Variants in PHYH observed in about 807,000 individuals in gnomAD.
The protein encoded by PHYH is phytanoyl-CoA 2-hydroxylase, also known as phytanoyl-CoA dioxygenase, peroxisomal.
In PHYH, 32 loss-of-function variants were observed where a neutral mutation model predicts 38.5. That is an observed-to-expected ratio of 0.83 (90% confidence interval 0.63 to 1.12). The LOEUF is 1.12. Among genes scored for constraint, PHYH ranks in the 50% most tolerant of loss-of-function variants. The pLI, the probability that PHYH is intolerant of heterozygous loss-of-function variation, is 0.00. For missense variants in PHYH, 426 were observed against 434.8 expected, an observed-to-expected ratio of 0.98 and a Z score of 0.18; for synonymous variants, 166 against 157.9, an observed-to-expected ratio of 1.05 and a Z score of -0.38.
intron 2 of PHYH, among the ~76,000 whole-genome samples, chr10:13,297,014 T>A (rs1039753193): frequency 1.1e-4 from 17 of 151,584 alleles, no homozygotes; most frequent in African/African-American, 3.9e-4. Flanking sequence ...CAATGCTTAT[T>A]ATAATAAAAT....
Position 13,283,807 on chromosome 10 carries a change from C to T in PHYH, c.711G>A (p.Gln237=). ...GGVNKMFHGI[Q]DYEENKARVH... ...CCCGGGCCTTGTTTTCCTCGTAGTCCTGGATCCCGTGGAACATTTTGTTAA... is the reference window on the plus strand; with the variant it reads ...CCCGGGCCTTGTTTTCCTCGTAGTCTTGGATCCCGTGGAACATTTTGTTAA... The change falls in exon 7 of 9, where the codon CAG becomes CAA. Residue 237 remains glutamine (Q), a synonymous_variant. Coordinates refer to ENST00000263038, the MANE Select transcript of PHYH (RefSeq NM_006214.4). 1.2e-6 allele frequency: 2 copies of T among 1,613,994 alleles called. No homozygotes were observed. Among genetic ancestry groups the T allele is most frequent in the African/African-American group, 1.3e-5 (1 of 75,000 alleles).
intron 2 of PHYH, among the ~76,000 whole-genome samples, chr10:13,296,734 C>G (rs987095023): frequency 7.1e-6 from 1 of 140,892 alleles, no homozygotes; most frequent in African/African-American, 2.8e-5. Context: ...CTGAGGTGGG[C>G]GGATCACGAG....
intron 2 of PHYH, among the ~76,000 whole-genome samples, chr10:13,296,745 G>A (rs945076796): frequency 3.7e-5 from 5 of 133,576 alleles, no homozygotes; most frequent in Admixed American, 7.1e-5. Context: ...GGATCACGAG[G>A]TCAGATCGGG....
chr10:13,294,653 G>T, intron 3 of PHYH, 57 bp from the exon 4 acceptor site: 3 of 1,478,034 alleles, frequency 2.0e-6, no homozygotes, highest in Non-Finnish European at 1.9e-6. Context: ...CACCTGCCCT[G>T]CCCTCCTCTG....
chr10:13,280,959 A>G lies in PHYH; in HGVS notation c.963+17T>C, dbSNP rs751612515. On this transcript the variant is annotated intron_variant, in intron 8 of 8. Coordinates refer to ENST00000263038, the MANE Select transcript of PHYH (RefSeq NM_006214.4). ...AAAAACCTGAGATTTTTACCTTGCT[A>G]TTGTATACAAACATACCTTCAAGTT... 5 of 1,611,860 alleles carry G rather than the reference A, an allele frequency of 3.1e-6. No homozygotes were observed. In the South Asian group the frequency reaches 4.4e-5, roughly 14 times the overall value.
chr10:13,294,359 T>C, intron 4 of PHYH, 69 bp downstream of exon 4: 1 of 1,483,066 alleles, frequency 6.7e-7, no homozygotes, highest in East Asian at 2.3e-5. Context: ...CCCGGCCAAA[T>C]CAGCGGGTTT....
At chr10:13,297,072 G>C (rs1185496056) in intron 2 of PHYH, among the ~76,000 whole-genome samples, 2 of 151,676 alleles carry the variant, frequency 1.3e-5, no homozygotes, top group Non-Finnish European at 2.9e-5. Context: ...AAAAAGAAAA[G>C]CCTGCAAAGA....
intron 7 of PHYH, among the ~76,000 whole-genome samples, chr10:13,281,983 T>A (rs7914598): frequency 0.28 from 43,188 of 152,104 alleles, 6,774 homozygotes; most frequent in African/African-American, 0.42. Context: ...CGGTGGCTCA[T>A]GCCTGTAATT....
At chr10:13,299,129 CA>C (rs34019384) in intron 1 of PHYH, among the ~76,000 whole-genome samples, 4,960 of 125,984 alleles carry the variant, frequency 0.039, 134 homozygotes, top group East Asian at 0.083. Context: ...GGCCCTGTTT[CA>C]AAAAAAAAAA....
rs7897490 is a variant in PHYH, at chr10:13,294,654, C to A, written c.246-58G>T. On this transcript the variant is annotated intron_variant, in intron 3 of 8. Coordinates refer to ENST00000263038, the MANE Select transcript of PHYH (RefSeq NM_006214.4). ...CCGCTGGCTCCAAGCACCTGCCCTG[C>A]CCTCCTCTGTGGAAAGGGTTGCAGA... The A allele has an allele frequency of 3.2e-3, 4,701 of 1,479,872 alleles. 124 individuals are homozygous for A. In the African/African-American group the frequency reaches 0.056, roughly 18 times the overall value. The allele number at this position is 1,479,872 out of a possible 1,614,324, so 91.7% of individuals were successfully genotyped here. A position where few individuals can be genotyped will look rare whatever the true frequency, so the allele number is the denominator to read the frequency against.
chr10:13,296,564 G>GAA lies in PHYH; in HGVS notation c.135-960_135-959dup, dbSNP rs1219238482. 2.4e-3 allele frequency among the ~76,000 whole-genome samples: 164 copies of GAA among 68,220 alleles called. 1 individual carries two copies. In the East Asian group the frequency reaches 0.05, roughly 21 times the overall value. 44.8% of individuals were successfully genotyped at this position (68,220 alleles called of 152,430 possible). On this transcript the variant is annotated intron_variant, in intron 2 of 8. Coordinates refer to ENST00000263038, the MANE Select transcript of PHYH (RefSeq NM_006214.4). ...GGTGACAGAGCAAGGCTCCATCTCA[G>GAA]AAAAAAAAAAAAAAAAAAAAGTGCA...
chr10:13,287,156 T>C (rs11258307), intron 6 of PHYH, among the ~76,000 whole-genome samples: 33 of 151,956 alleles, frequency 2.2e-4, no homozygotes, highest in African/African-American at 7.5e-4. Flanking sequence ...CTGGCCAACA[T>C]AGTGAAATCC....
chr10:13,290,205 G>C (rs1256001217), intron 5 of PHYH, among the ~76,000 whole-genome samples: 1 of 148,498 alleles, frequency 6.7e-6, no homozygotes, highest in African/African-American at 2.5e-5. Context: ...TGAGGCAGGA[G>C]AATCACTCAA....
chr10:13,284,995 G>A (rs17601017), intron 6 of PHYH, among the ~76,000 whole-genome samples: 23,925 of 152,128 alleles, frequency 0.16, 1,953 homozygotes, highest in African/African-American at 0.2. Context: ...CACACGCTCT[G>A]GAAGCCCTGC....
intron 8 of PHYH, among the ~76,000 whole-genome samples, chr10:13,279,814 GT>G (rs1258955957): frequency 2.0e-5 from 3 of 152,182 alleles, no homozygotes; most frequent in African/African-American, 4.8e-5. Flanking sequence ...AATTTAGGAT[GT>G]TAGCTCAAAG....
intron 6 of PHYH, among the ~76,000 whole-genome samples, chr10:13,285,753 C>T (rs909156555): frequency 5.7e-4 from 86 of 151,882 alleles, no homozygotes; most frequent in Non-Finnish European, 2.2e-4. Context: ...TACAGGCGCA[C>T]GCCACCACAC....
intron 4 of PHYH, among the ~76,000 whole-genome samples, chr10:13,293,628 GT>G (rs934328330): frequency 4.4e-4 from 67 of 151,786 alleles, no homozygotes; most frequent in African/African-American, 1.5e-3. Context: ...TTCAATCTTT[GT>G]TTTTTTCTTT....
intron 2 of PHYH, among the ~76,000 whole-genome samples, chr10:13,296,040 C>T (rs1461028777): frequency 6.6e-6 from 1 of 151,826 alleles, no homozygotes; most frequent in Non-Finnish European, 1.5e-5. Flanking sequence ...TGGTAGTGGG[C>T]ACCTGTAATC....
intron 6 of PHYH, among the ~76,000 whole-genome samples, chr10:13,284,603 TC>T (rs1363878714): frequency 6.6e-6 from 1 of 152,142 alleles, no homozygotes; most frequent in Admixed American, 6.6e-5. Flanking sequence ...AGAAGCTATT[TC>T]CCCAAAATAG....
Sources: gnomAD v4.1 joint callset for allele counts (sites outside exome capture counted in the v4.1 genomes callset) on GRCh38, gnomAD v4.1.1 for gene constraint, MANE v1.5 for transcripts, NCBI Gene and HGNC (gene_info 2026-07-23, HGNC 2026-07-21) for gene names.